PTPRR: variants seen among roughly 807,000 people sequenced by gnomAD.
PTPRR encodes protein tyrosine phosphatase receptor type R, also known as receptor-type tyrosine-protein phosphatase R.
Under a neutral mutation model 77.2 loss-of-function variants are expected in PTPRR, and 38 were observed. That is an observed-to-expected ratio of 0.49 (90% CI 0.38 to 0.65). The LOEUF is 0.65. Ranked by LOEUF, PTPRR falls within the 30% of genes least tolerant of loss-of-function variation. The pLI is 0.00. For missense variants in PTPRR, 744 were observed against 799.2 expected (o/e 0.93, Z 0.83); for synonymous variants, 299 against 283.1 (o/e 1.06, Z -0.57).
chr12:70,796,686 CAGT>C (rs1348603106), intron 2 of PTPRR, among the ~76,000 whole-genome samples: 2 of 150,042 alleles, frequency 1.3e-5, no homozygotes, highest in African/African-American at 4.9e-5. Context: ...TGAAATGCCA[CAGT>C]GGCTGTATAT....
chr12:70,841,063 G>T (rs557613102), intron 2 of PTPRR, among the ~76,000 whole-genome samples: 7 of 144,278 alleles, frequency 4.9e-5, no homozygotes, highest in Non-Finnish European at 7.5e-5. Flanking sequence ...ACTAAGTCTT[G>T]AGTTGGTCCA....
At chr12:70,672,028 G>C (rs1887245688) in intron 10 of PTPRR, 1 of 1,320,826 alleles carries the variant, frequency 7.6e-7, no homozygotes, top group Non-Finnish European at 1.1e-6. Context: ...CACCCCACCT[G>C]GTGGGGCCTC....
At chr12:70,708,898 A>G (rs1888718938) in intron 6 of PTPRR, among the ~76,000 whole-genome samples, 1 of 151,902 alleles carries the variant, frequency 6.6e-6, no homozygotes, top group Non-Finnish European at 1.5e-5. Context: ...TCTTTATGCA[A>G]TCAACTACCA....
intron 6 of PTPRR, among the ~76,000 whole-genome samples, chr12:70,743,725 C>A (rs199915066): frequency 6.6e-6 from 1 of 152,156 alleles, no homozygotes; most frequent in East Asian, 1.9e-4. Context: ...GAATCCCCCA[C>A]GTGGACCAAA....
chr12:70,919,096 C>T (rs1893815174), intron 1 of PTPRR, among the ~76,000 whole-genome samples: 1 of 152,056 alleles, frequency 6.6e-6, no homozygotes, highest in African/African-American at 2.4e-5. Context: ...TAAATAATAG[C>T]GTTAGCTGGA....
At chr12:70,771,165 T>TAA (rs111294240) in intron 2 of PTPRR, among the ~76,000 whole-genome samples, 8,483 of 148,630 alleles carry the variant, frequency 0.057, 275 homozygotes, top group Middle Eastern at 0.099. Context: ...AATAATAAAT[T>TAA]AAAAAAAAAT....
At chr12:70,657,969 G>A (rs1308701430) in intron 12 of PTPRR, among the ~76,000 whole-genome samples, 1 of 152,144 alleles carries the variant, frequency 6.6e-6, no homozygotes, top group African/African-American at 2.4e-5. Context: ...CAGCTGCTAA[G>A]TTCATCTTTC....
chr12:70,864,624 G>A (rs1892808795), intron 2 of PTPRR, among the ~76,000 whole-genome samples: 1 of 152,156 alleles, frequency 6.6e-6, no homozygotes, highest in Non-Finnish European at 1.5e-5. Context: ...GTCACTCTCT[G>A]AGACTGGACA....
At chr12:70,755,863 T>A (rs1478509133) in intron 4 of PTPRR, among the ~76,000 whole-genome samples, 13 of 152,178 alleles carry the variant, frequency 8.5e-5, no homozygotes, top group Admixed American at 8.5e-4. Flanking sequence ...ATCGTTTTTT[T>A]AAATTCCAAT....
At chr12:70,916,036 G>C (rs897085927) in intron 1 of PTPRR, among the ~76,000 whole-genome samples, 1 of 152,098 alleles carries the variant, frequency 6.6e-6, no homozygotes, top group African/African-American at 2.4e-5. Flanking sequence ...TTAATACAGA[G>C]AGGGGAAACT....
chr12:70,775,603 A>G (rs1891070240), intron 2 of PTPRR, among the ~76,000 whole-genome samples: 1 of 152,166 alleles, frequency 6.6e-6, no homozygotes, highest in East Asian at 1.9e-4. Context: ...TCAGGACCAC[A>G]CCCAGTGGTC....
intron 10 of PTPRR, among the ~76,000 whole-genome samples, chr12:70,679,656 T>C (rs1244074745): frequency 1.3e-5 from 2 of 152,192 alleles, no homozygotes; most frequent in African/African-American, 4.8e-5. Flanking sequence ...TTGTGCTTTT[T>C]TGTGATTTTT....
chr12:70,696,283 A>G (rs1028539629), intron 8 of PTPRR, among the ~76,000 whole-genome samples: 4 of 151,992 alleles, frequency 2.6e-5, no homozygotes, highest in African/African-American at 9.7e-5. Context: ...TGCACTGAGC[A>G]TAATTACCAT....
chr12:70,754,661 T>G, intron 4 of PTPRR: 1 of 1,597,494 alleles, frequency 6.3e-7, no homozygotes, highest in Non-Finnish European at 8.5e-7. Context: ...CTGTTTTAAG[T>G]CCCCTCCCAC....
At chr12:70,782,243 A>C (rs1298538408) in intron 2 of PTPRR, among the ~76,000 whole-genome samples, 11 of 152,086 alleles carry the variant, frequency 7.2e-5, no homozygotes, top group Non-Finnish European at 1.0e-4. Context: ...CAGATGTTGC[A>C]GGTAGGTGAG....
At chr12:70,855,194 AG>A (rs1191707440) in intron 2 of PTPRR, among the ~76,000 whole-genome samples, 1 of 152,236 alleles carries the variant, frequency 6.6e-6, no homozygotes, top group Non-Finnish European at 1.5e-5. Flanking sequence ...TGCAGAATTA[AG>A]GAATTTCAGT....
intron 1 of PTPRR, among the ~76,000 whole-genome samples, chr12:70,917,361 G>C (rs556701828): frequency 2.6e-5 from 4 of 152,010 alleles, no homozygotes; most frequent in African/African-American, 9.7e-5. Context: ...ATGCAACCAC[G>C]GGTCTGGAAA....
chr12:70,656,454 A>G (rs1396059911), intron 13 of PTPRR, among the ~76,000 whole-genome samples: 1 of 152,146 alleles, frequency 6.6e-6, no homozygotes, highest in Non-Finnish European at 1.5e-5. Flanking sequence ...GCTTGAGCCC[A>G]GGAGTTTGAG....
intron 2 of PTPRR, among the ~76,000 whole-genome samples, chr12:70,841,195 C>A (rs143377061): frequency 1.3e-5 from 2 of 151,910 alleles, no homozygotes; most frequent in African/African-American, 2.4e-5. Flanking sequence ...CCTTACCCCC[C>A]CAACAAAAAA....
Sources: allele counts gnomAD v4.1 joint callset (sites outside exome capture counted in the v4.1 genomes callset), GRCh38; gene constraint gnomAD v4.1.1; transcripts MANE v1.5; gene names NCBI Gene and HGNC (gene_info 2026-07-23, HGNC 2026-07-21).